The following CHD6 variants were observed in gnomAD, a reference collection of about 807,000 sequenced individuals.
The protein encoded by CHD6 is ATP-dependent chromatin remodeler CHD6.
CHD6 carries 50 observed loss-of-function variants against 276.9 expected under a neutral mutation model. The ratio of observed to expected loss-of-function variants is 0.18; its 90% confidence interval spans 0.14 to 0.23. The LOEUF (loss-of-function observed/expected upper bound fraction) is 0.23. Ranked by LOEUF, CHD6 falls within the 10% of genes least tolerant of loss-of-function variation. CHD6 has a pLI of 1.00. For missense variants in CHD6, 2,564 were observed against 3,365.8 expected, an observed-to-expected ratio of 0.76 and a Z score of 5.89; for synonymous variants, 1,173 against 1,229.3, an observed-to-expected ratio of 0.95 and a Z score of 0.96.
At chr20:41,499,198 C>T in intron 6 of CHD6, 97 bp downstream of exon 6, 1 of 879,600 alleles carries the variant, frequency 1.1e-6, no homozygotes, top group Admixed American at 2.7e-5. Flanking sequence ...CTCACTCCAG[C>T]CAATAATGGT....
At chr20:41,455,750 AT>A (rs760799864) in intron 19 of CHD6, 49 bp downstream of exon 19, 279 of 1,257,056 alleles carry the variant, frequency 2.2e-4, no homozygotes, top group South Asian at 4.8e-4. Flanking sequence ...GAGAATAAAC[AT>A]TTTTTTTTCT....
At chr20:41,508,781 C>G (rs1184921800) in intron 5 of CHD6, among the ~76,000 whole-genome samples, 2 of 151,948 alleles carry the variant, frequency 1.3e-5, no homozygotes, top group Non-Finnish European at 2.9e-5. Context: ...GGAGCCCTTT[C>G]TGAGGGTTTA....
intron 14 of CHD6, among the ~76,000 whole-genome samples, chr20:41,486,773 C>T (rs1262408319): frequency 6.6e-6 from 1 of 152,156 alleles, no homozygotes. Flanking sequence ...TTTTCCAATT[C>T]ATCCACTCTG....
In CHD6 at chr20:41,533,388, A is replaced by T; in HGVS notation, c.216T>A (p.Phe72Leu). Residue 72 changes from phenylalanine (F) to leucine (L), a missense_variant, in exon 3 of 37, where the codon TTT (phenylalanine) becomes TTA (leucine). Phe to Leu is a conservative substitution (Grantham distance 22, BLOSUM62 0). Around this residue, in one of 7 missense-constraint regions of CHD6, gnomAD observed 286 missense variants for 297.8 expected, o/e 0.96. Coordinates refer to ENST00000373233, the MANE Select transcript of CHD6 (RefSeq NM_032221.5). ...CATTATGGGATGTCATTTTCCTAGG[A>T]AAAAGGGTAGCAGCTTCCTCTTCAG... ...YTAEEEAATL[F>L]PRKMTSHNGM... is the part of the protein sequence containing the mutation. 1.2e-6 allele frequency: 2 copies of T among 1,613,986 alleles called. No homozygotes were observed. The highest frequency in any genetic ancestry group is 1.7e-6 in the Non-Finnish European group (2 of 1,179,978).
chr20:41,439,147 G>C (rs991985923), intron 26 of CHD6, among the ~76,000 whole-genome samples: 3 of 152,168 alleles, frequency 2.0e-5, no homozygotes, highest in Non-Finnish European at 4.4e-5. Flanking sequence ...CACAAGGTCA[G>C]GGGTTCAAAA....
intron 2 of CHD6, among the ~76,000 whole-genome samples, chr20:41,538,387 A>G (rs747223773): frequency 5.9e-5 from 9 of 152,152 alleles, no homozygotes; most frequent in Non-Finnish European, 1.0e-4. Flanking sequence ...AAAGGAGTGA[A>G]GTACTGAAAC....
At chr20:41,498,557 C>T (rs892445781) in intron 6 of CHD6, among the ~76,000 whole-genome samples, 3 of 152,124 alleles carry the variant, frequency 2.0e-5, no homozygotes. Flanking sequence ...ATCTCTGGCA[C>T]CCCACTAACG....
chr20:41,585,377 G>A (rs1029538524), intron 1 of CHD6, among the ~76,000 whole-genome samples: 1 of 152,046 alleles, frequency 6.6e-6, no homozygotes, highest in Admixed American at 6.6e-5. Context: ...GAGCATTCCT[G>A]TAATCCCAGC....
At chr20:41,426,037 A>T in intron 28 of CHD6, 56 bp downstream of exon 28, 12 of 1,242,856 alleles carry the variant, frequency 9.7e-6, no homozygotes, top group Non-Finnish European at 1.4e-5. Context: ...AAACTCCACG[A>T]TAACTAACAA....
At chr20:41,459,578 C>T (rs2048481606) in intron 17 of CHD6, 1 of 153,474 alleles carries the variant, frequency 6.5e-6, no homozygotes, top group Middle Eastern at 3.1e-3. Context: ...CTTTCCAGTG[C>T]TATTCTAGTG....
chr20:41,426,127 G>A lies in CHD6; in HGVS notation c.4095C>T (p.Gly1365=), dbSNP rs1020838925. 4.3e-6 allele frequency: 7 copies of A among 1,613,106 alleles called. No individual in the cohort carries two copies. The East Asian group carries it at 1.1e-4, about 26-fold the overall frequency. Residue 1365 remains glycine (G), a synonymous_variant, in exon 28 of 37, where the codon GGC becomes GGT. Coordinates refer to ENST00000373233, the MANE Select transcript of CHD6 (RefSeq NM_032221.5). ...QTESSSDGGD[G]VFSEKKDDSR... Reference sequence around the variant, plus strand: ...TGTCATCCTTCTTTTCGCTAAAAACGCCATCACCTCCATCACTGGAACTCT... The same window carrying A: ...TGTCATCCTTCTTTTCGCTAAAAACACCATCACCTCCATCACTGGAACTCT...
intron 1 of CHD6, among the ~76,000 whole-genome samples, chr20:41,594,635 C>T (rs1039452346): frequency 2.0e-5 from 3 of 152,254 alleles, no homozygotes; most frequent in South Asian, 2.1e-4. Flanking sequence ...CTTTCTTGCT[C>T]TGTACACAAG....
chr20:41,511,978 T>C (rs921040383), intron 5 of CHD6, among the ~76,000 whole-genome samples: 5 of 152,174 alleles, frequency 3.3e-5, no homozygotes, highest in Non-Finnish European at 5.9e-5. Context: ...TTTACATTTT[T>C]TTTTTCTTTG....
At position 41,416,606 on chromosome 20, in the gene CHD6, C is replaced by A; in HGVS notation, c.6468G>T (p.Leu2156Phe). The change falls in exon 33 of 37, where the codon TTG becomes TTT. Residue 2156 changes from leucine (L) to phenylalanine (F), a missense_variant. This residue lies in a region of CHD6 where 1,024 missense variants were observed against 1,047.9 expected (regional missense o/e 0.98). Transcript: ENST00000373233. ...AEHSFSNGAALAAQIHKESFL... is the reference protein window; with the variant it reads ...AEHSFSNGAAFAAQIHKESFL... ...GGCTCACCTTGTGGATCTGGGCCGC[C>A]AATGCTGCGCCGTTGCTGAAGCTGT... 1 of 1,612,402 alleles carries A rather than the reference C, an allele frequency of 6.2e-7. No individual in the cohort carries two copies. Among genetic ancestry groups the A allele is most frequent in the South Asian group, 1.1e-5 (1 of 90,900 alleles).
chr20:41,533,184 C>T lies in CHD6; in HGVS notation c.420G>A (p.Lys140=). ...CTTTTTGCTTCGGCTCCTTGTGCTC[C>T]TTGGCCTTCTTCGGCTCCTTGGCCT... is the stretch of plus-strand genomic sequence containing the variant. ...PRKAKEPKKA[K]EHKEPKQKDG... The change falls in exon 3 of 37, where the codon AAG becomes AAA. Residue 140 remains lysine (K), a synonymous_variant. Coordinates refer to ENST00000373233, the MANE Select transcript of CHD6 (RefSeq NM_032221.5). 1 of 1,613,976 alleles carries T rather than the reference C, an allele frequency of 6.2e-7. No individual in the cohort carries two copies. Among genetic ancestry groups the T allele is most frequent in the Non-Finnish European group, 8.5e-7 (1 of 1,180,026 alleles).
At chr20:41,409,117 C>T (rs1359076456) in intron 36 of CHD6, among the ~76,000 whole-genome samples, 3 of 152,182 alleles carry the variant, frequency 2.0e-5, no homozygotes, top group Admixed American at 1.3e-4. Flanking sequence ...AGAAATGCCC[C>T]GAGGATAAAG....
At chr20:41,472,461 C>T (rs2043077340) in intron 17 of CHD6, among the ~76,000 whole-genome samples, 1 of 152,156 alleles carries the variant, frequency 6.6e-6, no homozygotes, top group African/African-American at 2.4e-5. Context: ...GCCACCCACC[C>T]ACCTTCTTCA....
At chr20:41,545,102 A>C (rs966936410) in intron 2 of CHD6, among the ~76,000 whole-genome samples, 1 of 152,152 alleles carries the variant, frequency 6.6e-6, no homozygotes, top group Non-Finnish European at 1.5e-5. Flanking sequence ...GTCCTTCTTT[A>C]TATGAAGCCT....
intron 1 of CHD6, among the ~76,000 whole-genome samples, chr20:41,612,328 T>C (rs1480223345): frequency 1.3e-5 from 2 of 152,218 alleles, no homozygotes; most frequent in Non-Finnish European, 2.9e-5. Context: ...TAATGACCTC[T>C]TTCATATCCT....
Sources: gnomAD v4.1 joint callset for allele counts (sites outside exome capture counted in the v4.1 genomes callset) on GRCh38, gnomAD v4.1.1 for gene constraint, gnomAD v4.1.1 regional missense constraint, MANE v1.5 for transcripts, NCBI Gene and HGNC (gene_info 2026-07-23, HGNC 2026-07-21) for gene names.